CCDC6: variants seen among roughly 807,000 people sequenced by gnomAD.
CCDC6 encodes coiled-coil domain-containing protein 6.
Under a neutral mutation model 56.6 loss-of-function variants are expected in CCDC6, and 20 were observed. The observed-to-expected ratio is 0.35, with a 90% confidence interval of 0.25 to 0.51. The LOEUF (loss-of-function observed/expected upper bound fraction) is 0.51, where lower values mean the gene tolerates loss of function less well. Among genes scored for constraint, CCDC6 ranks in the 20% least tolerant of loss-of-function variants. The probability of loss-of-function intolerance (pLI) is 0.95; values close to 1 mark genes in which losing one functional copy is unlikely to be tolerated. For synonymous variants in CCDC6, 241 were observed against 234.4 expected, an observed-to-expected ratio of 1.03 and a Z score of -0.26; for missense variants, 367 against 601.1, an observed-to-expected ratio of 0.61 and a Z score of 4.07.
At chr10:59,862,563 A>ACACATACC (rs2071142518) in intron 1 of CCDC6, among the ~76,000 whole-genome samples, 1 of 78,110 alleles carries the variant, frequency 1.3e-5, no homozygotes, top group African/African-American at 6.7e-5. Flanking sequence ...ACACATATAT[A>ACACATACC]TACACATACA....
Position 59,844,131 on chromosome 10 carries a change from G to A in CCDC6, c.453+8422C>T, listed in dbSNP as rs147348607. ...TGTTTATCTTCAGTGAGGTATGTCT[G>A]AGTGATCTAATCTGCTATTTTCTAC... is the stretch of plus-strand genomic sequence containing the variant. On this transcript the variant is annotated intron_variant, in intron 2 of 8. Transcript: ENST00000263102. 1.5e-3 allele frequency among the ~76,000 whole-genome samples: 226 copies of A among 152,216 alleles called. 5 individuals are homozygous for A. In the East Asian group the frequency reaches 0.015, roughly 10 times the overall value.
At chr10:59,793,879 ATAT>A (rs1467232854) in intron 8 of CCDC6, among the ~76,000 whole-genome samples, 1 of 152,324 alleles carries the variant, frequency 6.6e-6, no homozygotes, top group East Asian at 1.9e-4. Context: ...CTTCTTTAAA[ATAT>A]TATAATTTAT....
chr10:59,886,921 T>G (rs1236871305), intron 1 of CCDC6, among the ~76,000 whole-genome samples: 1 of 152,080 alleles, frequency 6.6e-6, no homozygotes. Flanking sequence ...ATGCAAAGAC[T>G]GTACTAATAT....
intron 1 of CCDC6, among the ~76,000 whole-genome samples, chr10:59,862,475 C>T: frequency 7.1e-6 from 1 of 141,346 alleles, no homozygotes; most frequent in African/African-American, 2.7e-5. Flanking sequence ...GTGACAGAGC[C>T]AGGTTCTGTC....
chr10:59,795,157 C>T (rs2070503170), intron 7 of CCDC6, among the ~76,000 whole-genome samples: 1 of 151,604 alleles, frequency 6.6e-6, no homozygotes, highest in African/African-American at 2.4e-5. Context: ...AACTTTCAGT[C>T]AACAGACTGA....
At chr10:59,847,029 G>C (rs900089360) in intron 2 of CCDC6, among the ~76,000 whole-genome samples, 4 of 151,322 alleles carry the variant, frequency 2.6e-5, no homozygotes, top group African/African-American at 9.8e-5. Context: ...GTGATTGGTG[G>C]TTAAGAGTTT....
chr10:59,819,942 A>G (rs1313548102), intron 3 of CCDC6, among the ~76,000 whole-genome samples: 1 of 150,688 alleles, frequency 6.6e-6, no homozygotes, highest in Non-Finnish European at 1.5e-5. Context: ...TGAACTGCCA[A>G]ATTCTTTACT....
chr10:59,901,502 C>T (rs1481053123), intron 1 of CCDC6, among the ~76,000 whole-genome samples: 1 of 152,152 alleles, frequency 6.6e-6, no homozygotes, highest in Non-Finnish European at 1.5e-5. Context: ...TCTAATCATG[C>T]CAGACCAACA....
intron 1 of CCDC6, among the ~76,000 whole-genome samples, chr10:59,900,808 T>A (rs949443282): frequency 6.6e-6 from 1 of 152,146 alleles, no homozygotes; most frequent in Non-Finnish European, 1.5e-5. Context: ...CCTGTAATCC[T>A]AGCACTTTGG....
At chr10:59,855,495 G>A (rs529252378) in intron 1 of CCDC6, among the ~76,000 whole-genome samples, 1 of 152,168 alleles carries the variant, frequency 6.6e-6, no homozygotes, top group Non-Finnish European at 1.5e-5. Flanking sequence ...GAACCCAGGA[G>A]GCGGAGATTG....
chr10:59,792,245 C>A lies in CCDC6; in HGVS notation c.*672G>T. 1 of 281,752 alleles carries A rather than the reference C, an allele frequency of 3.5e-6. No individual in the cohort carries two copies. The highest frequency in any genetic ancestry group is 6.8e-6 in the Non-Finnish European group (1 of 147,078). The allele number at this position is 281,752 out of a possible 1,614,324, so 17.5% of individuals were successfully genotyped here. A position where few individuals can be genotyped will look rare whatever the true frequency, so the allele number is the denominator to read the frequency against. On this transcript the variant is annotated 3_prime_UTR_variant, in exon 9 of 9. Transcript: ENST00000263102. ...TCACATCTTAATATACGATAATTATCCATCCCATTTATGTGGAGAAGGTAC... is the reference window on the plus strand; with the variant it reads ...TCACATCTTAATATACGATAATTATACATCCCATTTATGTGGAGAAGGTAC...
chr10:59,856,761 T>C (rs1253188191), intron 1 of CCDC6, among the ~76,000 whole-genome samples: 1 of 152,182 alleles, frequency 6.6e-6, no homozygotes, highest in Non-Finnish European at 1.5e-5. Flanking sequence ...CCTAAAATGC[T>C]TGCAAGTCTC....
rs1389728916 is a variant in CCDC6, at chr10:59,832,585, C to T, written c.522G>A (p.Leu174=). Reference sequence around the variant, plus strand: ...TCTCCAGTTTTTTAATTTTCTTCATCAGTTTGTTGACCTGAAATTCCTGCT... The same window carrying T: ...TCTCCAGTTTTTTAATTTTCTTCATTAGTTTGTTGACCTGAAATTCCTGCT... ...EQEQEFQVNK[L]MKKIKKLEND... is the part of the protein sequence containing the mutation. The change falls in exon 3 of 9, where the codon CTG becomes CTA. Residue 174 remains leucine, a synonymous_variant. Transcript: ENST00000263102. 1 of 1,613,176 alleles carries T rather than the reference C, an allele frequency of 6.2e-7. No individual in the cohort carries two copies. The highest frequency in any genetic ancestry group is 1.3e-5 in the African/African-American group (1 of 74,884).
chr10:59,889,663 C>T (rs1394485133), intron 1 of CCDC6, among the ~76,000 whole-genome samples: 3 of 152,138 alleles, frequency 2.0e-5, no homozygotes, highest in Non-Finnish European at 4.4e-5. Flanking sequence ...TTCCAAAGTA[C>T]GCCAATGAGA....
At chr10:59,818,116 G>A (rs560624108) in intron 3 of CCDC6, among the ~76,000 whole-genome samples, 46 of 152,274 alleles carry the variant, frequency 3.0e-4, no homozygotes, top group African/African-American at 1.1e-3. Context: ...AAATCAAGCT[G>A]TGGTTTGTGG....
chr10:59,807,328 T>C (rs1343631142), intron 5 of CCDC6, among the ~76,000 whole-genome samples: 1 of 151,980 alleles, frequency 6.6e-6, no homozygotes, highest in Non-Finnish European at 1.5e-5. Context: ...CTACTAAAAA[T>C]ACAAACATTA....
intron 1 of CCDC6, among the ~76,000 whole-genome samples, chr10:59,864,882 C>T (rs572711342): frequency 5.9e-5 from 9 of 152,294 alleles, no homozygotes; most frequent in African/African-American, 2.2e-4. Flanking sequence ...TAACAAGTCT[C>T]AAACCACACA....
chr10:59,877,832 A>G (rs2071297779), intron 1 of CCDC6, among the ~76,000 whole-genome samples: 1 of 152,224 alleles, frequency 6.6e-6, no homozygotes, highest in Admixed American at 6.5e-5. Flanking sequence ...AACCAGAGCC[A>G]AGCAACAACA....
chr10:59,794,809 G>A (rs1198872492), intron 7 of CCDC6, among the ~76,000 whole-genome samples: 6 of 152,106 alleles, frequency 3.9e-5, no homozygotes, highest in Admixed American at 6.6e-5. Flanking sequence ...AAACTCACAC[G>A]TATATGGTCA....
Sources: allele counts gnomAD v4.1 joint callset (sites outside exome capture counted in the v4.1 genomes callset), GRCh38; gene constraint gnomAD v4.1.1; transcripts MANE v1.5; gene names NCBI Gene and HGNC (gene_info 2026-07-23, HGNC 2026-07-21).